KCND2: variants seen among roughly 807,000 people sequenced by gnomAD.
The protein encoded by KCND2 is A-type voltage-gated potassium channel KCND2.
KCND2 carries 16 observed loss-of-function variants against 54.4 expected under a neutral mutation model. The ratio of observed to expected loss-of-function variants is 0.29; its 90% CI spans 0.20 to 0.45. KCND2 has a LOEUF of 0.45. Ranked by LOEUF, KCND2 falls within the 20% of genes least tolerant of loss-of-function variation. KCND2 has a pLI of 1.00. For synonymous variants in KCND2, 317 were observed against 310.7 expected, an observed-to-expected ratio of 1.02 and a Z score of -0.21; for missense variants, 486 against 824.2, an observed-to-expected ratio of 0.59 and a Z score of 5.02.
At chr7:120,556,627 C>T (rs989224889) in intron 1 of KCND2, among the ~76,000 whole-genome samples, 4 of 152,092 alleles carry the variant, frequency 2.6e-5, no homozygotes, top group African/African-American at 9.7e-5. Context: ...GTGCTTTACT[C>T]ACTATGACAT....
chr7:120,727,270 A>T (rs1792745526), intron 1 of KCND2, among the ~76,000 whole-genome samples: 1 of 152,244 alleles, frequency 6.6e-6, no homozygotes, highest in Admixed American at 6.5e-5. Flanking sequence ...CTTCTGAACT[A>T]GTCATGCAAC....
intron 1 of KCND2, among the ~76,000 whole-genome samples, chr7:120,653,800 C>T (rs551841851): frequency 6.2e-4 from 94 of 152,128 alleles, no homozygotes; most frequent in African/African-American, 2.1e-3. Flanking sequence ...AGGTCTCAGT[C>T]CAGAGGGATT....
chr7:120,536,235 C>A (rs557232492), intron 1 of KCND2, among the ~76,000 whole-genome samples: 31 of 152,072 alleles, frequency 2.0e-4, no homozygotes, highest in African/African-American at 7.0e-4. Context: ...AATATATATA[C>A]CTTAATTAAA....
intron 1 of KCND2, among the ~76,000 whole-genome samples, chr7:120,519,057 G>A: frequency 6.6e-6 from 1 of 152,100 alleles, no homozygotes; most frequent in Non-Finnish European, 1.5e-5. Flanking sequence ...GGCAGTACGT[G>A]GTGGTTCCCG....
chr7:120,376,088 A>G (rs1396343671), intron 1 of KCND2, among the ~76,000 whole-genome samples: 1 of 151,812 alleles, frequency 6.6e-6, no homozygotes, highest in Non-Finnish European at 1.5e-5. Context: ...CAGTCAAGAA[A>G]CTATTAAAGA....
intron 1 of KCND2, among the ~76,000 whole-genome samples, chr7:120,608,319 T>G (rs1381812918): frequency 6.6e-6 from 1 of 152,090 alleles, no homozygotes; most frequent in Non-Finnish European, 1.5e-5. Context: ...GAACCAATAA[T>G]TTTATAGCAA....
chr7:120,686,897 A>C (rs905408135), intron 1 of KCND2, among the ~76,000 whole-genome samples: 1 of 152,086 alleles, frequency 6.6e-6, no homozygotes, highest in Non-Finnish European at 1.5e-5. Context: ...CACTAGTTTC[A>C]TTTGTTTCTA....
At chr7:120,434,095 C>T (rs1801831746) in intron 1 of KCND2, among the ~76,000 whole-genome samples, 1 of 151,994 alleles carries the variant, frequency 6.6e-6, no homozygotes, top group Non-Finnish European at 1.5e-5. Context: ...GTTAAGGGAC[C>T]TCAATGAGCC....
chr7:120,572,825 G>A (rs1198174607), intron 1 of KCND2, among the ~76,000 whole-genome samples: 2 of 152,154 alleles, frequency 1.3e-5, no homozygotes, highest in Non-Finnish European at 2.9e-5. Flanking sequence ...GCCCAGCTGA[G>A]TGTGAACATA....
intron 1 of KCND2, among the ~76,000 whole-genome samples, chr7:120,384,380 G>T (rs1252726046): frequency 6.6e-6 from 1 of 151,802 alleles, no homozygotes; most frequent in Non-Finnish European, 1.5e-5. Context: ...TGTCAAAGTG[G>T]GTATTATTTA....
chr7:120,286,975 T>C (rs976726357), intron 1 of KCND2, among the ~76,000 whole-genome samples: 1 of 152,102 alleles, frequency 6.6e-6, no homozygotes, highest in South Asian at 2.1e-4. Flanking sequence ...AAATTCCTGG[T>C]GGACAAAGAA....
chr7:120,524,891 A>T (rs1208000107), intron 1 of KCND2, among the ~76,000 whole-genome samples: 1 of 152,190 alleles, frequency 6.6e-6, no homozygotes, highest in African/African-American at 2.4e-5. Flanking sequence ...TCGGGATAGG[A>T]AAGATATTTT....
At chr7:120,345,297 A>G (rs1298878450) in intron 1 of KCND2, among the ~76,000 whole-genome samples, 1 of 152,170 alleles carries the variant, frequency 6.6e-6, no homozygotes, top group Admixed American at 6.6e-5. Context: ...GTAATTGATC[A>G]TATAGTGTTC....
At chr7:120,410,189 A>G (rs1801427941) in intron 1 of KCND2, among the ~76,000 whole-genome samples, 1 of 151,960 alleles carries the variant, frequency 6.6e-6, no homozygotes, top group African/African-American at 2.4e-5. Context: ...TTGAAAATCA[A>G]CTGACCAAAT....
chr7:120,408,156 A>T (rs113361155), intron 1 of KCND2, among the ~76,000 whole-genome samples: 19 of 152,100 alleles, frequency 1.2e-4, no homozygotes, highest in African/African-American at 4.1e-4. Flanking sequence ...GCGAAGGAGA[A>T]GGAAGAATTG....
chr7:120,690,146 T>G (rs541824396), intron 1 of KCND2, among the ~76,000 whole-genome samples: 1 of 152,344 alleles, frequency 6.6e-6, no homozygotes, highest in African/African-American at 2.4e-5. Flanking sequence ...GGAAATGTTA[T>G]TTATTGGTTA....
intron 1 of KCND2, among the ~76,000 whole-genome samples, chr7:120,302,819 A>C (rs965196153): frequency 6.6e-6 from 1 of 152,158 alleles, no homozygotes; most frequent in Non-Finnish European, 1.5e-5. Context: ...CTTAGGACCA[A>C]AGCCAGATTT....
At chr7:120,573,051 A>G (rs904949900) in intron 1 of KCND2, among the ~76,000 whole-genome samples, 4 of 152,196 alleles carry the variant, frequency 2.6e-5, no homozygotes, top group Non-Finnish European at 4.4e-5. Context: ...AATCCTTTTT[A>G]GATTATGTGA....
intron 1 of KCND2, among the ~76,000 whole-genome samples, chr7:120,732,336 T>C (rs1792818394): frequency 2.0e-5 from 3 of 152,148 alleles, no homozygotes; most frequent in African/African-American, 7.2e-5. Flanking sequence ...AAGGAGAGAA[T>C]AGTCAACTAA....
Sources: gnomAD v4.1 joint callset for allele counts (sites outside exome capture counted in the v4.1 genomes callset) on GRCh38, gnomAD v4.1.1 for gene constraint, MANE v1.5 for transcripts, NCBI Gene and HGNC (gene_info 2026-07-23, HGNC 2026-07-21) for gene names.